AFF3: variants seen among roughly 807,000 people sequenced by gnomAD.
AFF3 encodes the protein ALF transcription elongation factor 3, also known as AF4/FMR2 family member 3.
In AFF3, 32 loss-of-function variants were observed where a neutral mutation model predicts 129.7. That is an observed-to-expected ratio of 0.25 (90% confidence interval 0.19 to 0.33). The LOEUF (loss-of-function observed/expected upper bound fraction) is 0.33, where lower values mean the gene tolerates loss of function less well. AFF3 is among the 10% of genes least tolerant of loss of function. The probability of loss-of-function intolerance (pLI) is 1.00; values close to 1 mark genes in which losing one functional copy is unlikely to be tolerated. For missense variants in AFF3, 1,373 were observed against 1,592.0 expected (o/e 0.86, Z 2.34); for synonymous variants, 644 against 635.4 (o/e 1.01, Z -0.20).
Position 100,084,946 on chromosome 2 carries a change from C to A in AFF3, c.53+19456G>T, listed in dbSNP as rs560019660. On this transcript the variant is annotated intron_variant, in intron 4 of 24. Transcript: ENST00000672756. ...GATGTTAAGTGTTTTCATTGGTTGT[C>A]CATAGTACACCTCTTTATCCAAATA... Among the ~76,000 whole-genome samples, 1,405 of 150,106 alleles carry A rather than the reference C, an allele frequency of 9.4e-3. 20 individuals are homozygous for A. The highest frequency in any genetic ancestry group is 0.031 in the African/African-American group (1,283 of 40,994).
At chr2:99,642,064 G>A (rs1684251843) in intron 13 of AFF3, among the ~76,000 whole-genome samples, 1 of 152,178 alleles carries the variant, frequency 6.6e-6, no homozygotes, top group Non-Finnish European at 1.5e-5. Context: ...AAGTACAAAT[G>A]CAAAACATAA....
chr2:99,863,406 T>C (rs759629538), intron 7 of AFF3, among the ~76,000 whole-genome samples: 4 of 152,190 alleles, frequency 2.6e-5, no homozygotes, highest in African/African-American at 7.2e-5. Context: ...GACTATTCTA[T>C]TTGTCTCCTC....
At chr2:100,138,367 A>C (rs1370010581) in intron 1 of AFF3, among the ~76,000 whole-genome samples, 4 of 152,210 alleles carry the variant, frequency 2.6e-5, no homozygotes, top group Non-Finnish European at 5.9e-5. Context: ...CAGCCACATC[A>C]TGTGGCCCAG....
intron 8 of AFF3, among the ~76,000 whole-genome samples, chr2:99,805,154 C>T (rs1378398051): frequency 6.6e-6 from 1 of 152,070 alleles, no homozygotes; most frequent in African/African-American, 2.4e-5. Context: ...ATGACTAGTA[C>T]AAAAGTCATC....
At chr2:99,585,797 C>T (rs573965708) in intron 16 of AFF3, among the ~76,000 whole-genome samples, 25 of 152,260 alleles carry the variant, frequency 1.6e-4, no homozygotes, top group East Asian at 7.7e-4. Context: ...GGCACAATCT[C>T]GGCTCCCTGC....
chr2:99,641,957 T>C (rs569184258), intron 13 of AFF3, among the ~76,000 whole-genome samples: 3 of 152,294 alleles, frequency 2.0e-5, no homozygotes, highest in Non-Finnish European at 2.9e-5. Flanking sequence ...GCGAGTGGAA[T>C]CCTTGGGTAA....
chr2:99,563,810 CAAAAA>C (rs34843347), intron 20 of AFF3, among the ~76,000 whole-genome samples: 3 of 76,076 alleles, frequency 3.9e-5, no homozygotes, highest in African/African-American at 1.1e-4. Flanking sequence ...AATTTAGTCT[CAAAAA>C]AAAAAAAAAA....
At chr2:100,048,059 C>G (rs753089140) in intron 4 of AFF3, among the ~76,000 whole-genome samples, 2 of 152,236 alleles carry the variant, frequency 1.3e-5, no homozygotes, top group Non-Finnish European at 2.9e-5. Flanking sequence ...AGATTACCCA[C>G]AATAATGGCA....
intron 7 of AFF3, among the ~76,000 whole-genome samples, chr2:99,914,594 G>A (rs1695332886): frequency 6.6e-6 from 1 of 152,050 alleles, no homozygotes. Flanking sequence ...TTGCTTTCTG[G>A]GAAATACACA....
intron 11 of AFF3, among the ~76,000 whole-genome samples, chr2:99,690,404 A>G (rs1253839211): frequency 2.0e-5 from 3 of 151,634 alleles, no homozygotes; most frequent in Admixed American, 6.6e-5. Context: ...GATGGTCTCG[A>G]TCTCCTGACC....
intron 11 of AFF3, among the ~76,000 whole-genome samples, chr2:99,702,436 T>C (rs1258178323): frequency 1.3e-5 from 2 of 152,128 alleles, no homozygotes; most frequent in African/African-American, 4.8e-5. Flanking sequence ...GCCTCCCAGG[T>C]TCAAGTGATT....
At position 99,640,624 on chromosome 2, in the gene AFF3, T is replaced by C. The variant is rs74761905; in HGVS notation, c.1184+9002A>G. On this transcript the variant is annotated intron_variant, in intron 13 of 24. Transcript: ENST00000672756. ...AAGCTGGGCCAGAGGGTTTTTTTTT[T>C]TCTTTTGCTTTCTTGTCTCCTTAAT... 4.8e-3 allele frequency among the ~76,000 whole-genome samples: 736 copies of C among 152,068 alleles called. 10 individuals carry two copies. The highest frequency in any genetic ancestry group is 0.016 in the African/African-American group (653 of 41,540).
At chr2:99,682,286 T>G (rs890846872) in intron 11 of AFF3, among the ~76,000 whole-genome samples, 3 of 152,196 alleles carry the variant, frequency 2.0e-5, no homozygotes, top group Non-Finnish European at 2.9e-5. Flanking sequence ...TCACTTCTTA[T>G]CTAAGTGAAT....
intron 11 of AFF3, among the ~76,000 whole-genome samples, chr2:99,688,730 A>G (rs1675315838): frequency 6.6e-6 from 1 of 151,878 alleles, no homozygotes; most frequent in African/African-American, 2.4e-5. Flanking sequence ...ACTCCCAACC[A>G]TGACATCCAT....
intron 8 of AFF3, among the ~76,000 whole-genome samples, chr2:99,787,835 T>C (rs941647636): frequency 2.0e-5 from 3 of 152,216 alleles, no homozygotes; most frequent in South Asian, 2.1e-4. Flanking sequence ...TGGAGTCTGC[T>C]TCCTTATCAG....
chr2:99,990,031 G>A (rs1054240783), intron 7 of AFF3, among the ~76,000 whole-genome samples: 6 of 152,134 alleles, frequency 3.9e-5, no homozygotes, highest in African/African-American at 1.4e-4. Context: ...GGGTGGTCAA[G>A]AAAAGCTGTA....
chr2:99,830,643 C>G (rs1017451083), intron 8 of AFF3, among the ~76,000 whole-genome samples: 1 of 152,062 alleles, frequency 6.6e-6, no homozygotes, highest in Admixed American at 6.5e-5. Context: ...CCCAGCTACT[C>G]GGGAGGCTGA....
At chr2:99,942,902 G>T (rs1675191344) in intron 7 of AFF3, among the ~76,000 whole-genome samples, 1 of 152,160 alleles carries the variant, frequency 6.6e-6, no homozygotes, top group South Asian at 2.1e-4. Context: ...TTCCTTCCCT[G>T]AAGAGCAATA....
intron 8 of AFF3, among the ~76,000 whole-genome samples, chr2:99,767,438 A>C (rs1448237964): frequency 6.6e-6 from 1 of 152,240 alleles, no homozygotes; most frequent in African/African-American, 2.4e-5. Flanking sequence ...TTTGGTTTTA[A>C]TAAACTTCCT....
Sources: gnomAD v4.1 joint callset for allele counts (sites outside exome capture counted in the v4.1 genomes callset) on GRCh38, gnomAD v4.1.1 for gene constraint, MANE v1.5 for transcripts, NCBI Gene and HGNC (gene_info 2026-07-23, HGNC 2026-07-21) for gene names.